Variants in TIAM1 observed in about 807,000 individuals in gnomAD.
TIAM1 encodes TIAM Rac1 associated GEF 1.
Under a neutral mutation model 163.5 loss-of-function variants are expected in TIAM1, and 65 were observed. The ratio of observed to expected loss-of-function variants is 0.40; its 90% CI spans 0.33 to 0.49. TIAM1 has a LOEUF of 0.49. Ranked by LOEUF, TIAM1 falls within the 20% of genes least tolerant of loss-of-function variation. The pLI is 0.77. For synonymous variants in TIAM1, 833 were observed against 810.1 expected, an observed-to-expected ratio of 1.03 and a Z score of -0.48; for missense variants, 1,789 against 2,044.7, an observed-to-expected ratio of 0.87 and a Z score of 2.41.
intron 1 of TIAM1, among the ~76,000 whole-genome samples, chr21:31,543,276 T>C (rs1401826162): frequency 6.6e-6 from 1 of 152,236 alleles, no homozygotes; most frequent in Non-Finnish European, 1.5e-5. Flanking sequence ...CACTTTGGGC[T>C]TCTCGTCCCA....
At chr21:31,124,982 ATTCTGCTCCTGG>A (rs1334199320) in intron 26 of TIAM1, among the ~76,000 whole-genome samples, 1 of 152,154 alleles carries the variant, frequency 6.6e-6, no homozygotes, top group Non-Finnish European at 1.5e-5. Context: ...AAGCTGCCAA[ATTCTGCTCCTGG>A]CACTCAAGGC....
intron 3 of TIAM1, among the ~76,000 whole-genome samples, chr21:31,276,145 T>A (rs1270996998): frequency 1.3e-5 from 2 of 151,710 alleles, no homozygotes; most frequent in African/African-American, 4.8e-5. Context: ...GAAGACGGTG[T>A]TGGGGGGTGG....
chr21:31,533,906 G>A (rs1360202211), intron 1 of TIAM1, among the ~76,000 whole-genome samples: 1 of 152,198 alleles, frequency 6.6e-6, no homozygotes, highest in African/African-American at 2.4e-5. Context: ...TGTGCGGACA[G>A]GAGGGAATAG....
intron 15 of TIAM1, among the ~76,000 whole-genome samples, chr21:31,168,146 G>A (rs1215368367): frequency 6.6e-6 from 1 of 150,990 alleles, no homozygotes; most frequent in Non-Finnish European, 1.5e-5. Flanking sequence ...AGGCTGGAGT[G>A]CAGTGGTGTG....
intron 16 of TIAM1, among the ~76,000 whole-genome samples, chr21:31,162,887 G>C (rs1015913164): frequency 2.6e-5 from 4 of 152,088 alleles, no homozygotes; most frequent in African/African-American, 9.7e-5. Context: ...TCATGTTCCA[G>C]ATAAGTTCAA....
At position 31,118,816 on chromosome 21, in the gene TIAM1, G is replaced by C. The variant is rs549868544; in HGVS notation, c.*1552C>G. 1.0e-4 allele frequency: 36 copies of C among 356,360 alleles called. 1 individual carries two copies. The highest frequency in any genetic ancestry group is 8.0e-4 in the South Asian group (36 of 45,168). 22.1% of individuals were successfully genotyped at this position (356,360 alleles called of 1,614,324 possible). A position where few individuals can be genotyped will look rare whatever the true frequency, so the allele number is the denominator to read the frequency against. On this transcript the variant is annotated 3_prime_UTR_variant, in exon 28 of 28. Coordinates refer to ENST00000541036, the MANE Select transcript of TIAM1 (RefSeq NM_001353694.2). ...TTCAAAAGATCAAGCTCGAAGCCCT[G>C]GAAACCCGAAAGGCGGGGGGAATAC...
intron 2 of TIAM1, among the ~76,000 whole-genome samples, chr21:31,350,112 T>C (rs569425826): frequency 6.6e-6 from 1 of 152,322 alleles, no homozygotes; most frequent in African/African-American, 2.4e-5. Context: ...GATAACAGAA[T>C]GGAGGTCCTT....
At chr21:31,127,401 T>C (rs1375281411) in intron 25 of TIAM1, among the ~76,000 whole-genome samples, 3 of 150,790 alleles carry the variant, frequency 2.0e-5, no homozygotes, top group African/African-American at 4.9e-5. Flanking sequence ...AGGTCAATCA[T>C]ATGGACCGAA....
chr21:31,226,003 A>G, intron 6 of TIAM1, 53 bp from the exon 7 acceptor site: 3 of 1,524,230 alleles, frequency 2.0e-6, no homozygotes, highest in Non-Finnish European at 2.7e-6. Context: ...GGAACTTAAG[A>G]GAAATGAACC....
At chr21:31,285,941 G>C (rs1291187965) in intron 2 of TIAM1, among the ~76,000 whole-genome samples, 1 of 152,078 alleles carries the variant, frequency 6.6e-6, no homozygotes, top group Non-Finnish European at 1.5e-5. Context: ...AGCTTTTAAG[G>C]CTATGACATT....
intron 2 of TIAM1, among the ~76,000 whole-genome samples, chr21:31,307,135 T>C (rs1023429694): frequency 2.0e-5 from 3 of 152,342 alleles, no homozygotes; most frequent in African/African-American, 7.2e-5. Context: ...ACTGATATAA[T>C]GGAATGAGGC....
chr21:31,248,757 G>C (rs1238024628), intron 5 of TIAM1, among the ~76,000 whole-genome samples: 2 of 152,130 alleles, frequency 1.3e-5, no homozygotes, highest in Non-Finnish European at 2.9e-5. Context: ...GAACCCATCA[G>C]GATGAAGCAA....
intron 11 of TIAM1, among the ~76,000 whole-genome samples, chr21:31,206,747 T>C (rs1384268809): frequency 6.6e-6 from 1 of 152,160 alleles, no homozygotes; most frequent in African/African-American, 2.4e-5. Context: ...ATATTTTCAG[T>C]AAATAGTTTG....
chr21:31,122,482 T>C (rs1473592491), intron 27 of TIAM1, among the ~76,000 whole-genome samples: 1 of 152,114 alleles, frequency 6.6e-6, no homozygotes, highest in Non-Finnish European at 1.5e-5. Flanking sequence ...TTGAAATATG[T>C]CAAAAATAAG....
chr21:31,186,507 T>A (rs1033673333), intron 14 of TIAM1, among the ~76,000 whole-genome samples: 2 of 152,106 alleles, frequency 1.3e-5, no homozygotes, highest in Non-Finnish European at 1.5e-5. Context: ...TCAATCAGTT[T>A]AAAATCCAAA....
intron 17 of TIAM1, 35 bp downstream of exon 17, chr21:31,154,212 C>T: frequency 1.9e-6 from 3 of 1,603,566 alleles, no homozygotes; most frequent in Admixed American, 1.7e-5. Flanking sequence ...CTTTACGAGG[C>T]AGAGGGAGGG....
At chr21:31,204,306 G>A (rs1357003642) in intron 11 of TIAM1, among the ~76,000 whole-genome samples, 1 of 152,128 alleles carries the variant, frequency 6.6e-6, no homozygotes, top group East Asian at 1.9e-4. Context: ...GTGGGAGTGA[G>A]TAAATCGATA....
intron 2 of TIAM1, among the ~76,000 whole-genome samples, chr21:31,325,487 G>A (rs1178417665): frequency 6.6e-6 from 1 of 151,930 alleles, no homozygotes; most frequent in Non-Finnish European, 1.5e-5. Flanking sequence ...GGCCAACACG[G>A]CAAAACCCTG....
In TIAM1 at chr21:31,451,726, T is replaced by TGCGC. The variant is rs1569343164; in HGVS notation, c.-369+12256_-369+12257insGCGC. On this transcript the variant is annotated intron_variant, in intron 2 of 28. Transcript: ENST00000286827. ...GTGAAAGCATGTGTGTGCGTGTGTGTGTGTGTGTGTGTGTGTGTGTGTGTG... is the reference window on the plus strand; with the variant it reads ...GTGAAAGCATGTGTGTGCGTGTGTGTGCGCGTGTGTGTGTGTGTGTGTGTGTGTG... Among the ~76,000 whole-genome samples, 8 of 138,046 alleles carry TGCGC rather than the reference T, an allele frequency of 5.8e-5. No individual in the cohort carries two copies. The East Asian group carries it at 1.6e-3, about 28-fold the overall frequency. 90.6% of individuals were successfully genotyped at this position (138,046 alleles called of 152,430 possible).
Sources: gnomAD v4.1 joint callset for allele counts (sites outside exome capture counted in the v4.1 genomes callset) on GRCh38, gnomAD v4.1.1 for gene constraint, MANE v1.5 for transcripts, NCBI Gene and HGNC (gene_info 2026-07-23, HGNC 2026-07-21) for gene names.